Variants in E2F7 observed in about 807,000 individuals in gnomAD.
The protein encoded by E2F7 is transcription factor E2F7.
E2F7 carries 35 observed loss-of-function variants against 81.1 expected under a neutral mutation model. The ratio of observed to expected loss-of-function variants is 0.43; its 90% CI spans 0.33 to 0.57. The LOEUF is 0.57. Ranked by LOEUF, E2F7 falls within the 20% of genes least tolerant of loss-of-function variation. E2F7 has a pLI of 0.04. For synonymous variants in E2F7, 416 were observed against 416.2 expected, an observed-to-expected ratio of 1.00 and a Z score of 0.01; for missense variants, 961 against 1,093.7, an observed-to-expected ratio of 0.88 and a Z score of 1.71.
chr12:77,062,170 G>A (rs1277879312), intron 2 of E2F7, among the ~76,000 whole-genome samples: 2 of 152,082 alleles, frequency 1.3e-5, no homozygotes, highest in African/African-American at 4.8e-5. Context: ...GTGCCTATGG[G>A]TGCTTTACAA....
intron 7 of E2F7, among the ~76,000 whole-genome samples, chr12:77,038,321 C>T (rs1954870027): frequency 6.6e-6 from 1 of 152,104 alleles, no homozygotes. Context: ...AATATATACT[C>T]TGTATATTTG....
Position 77,029,918 on chromosome 12 carries a change from C to T in E2F7, c.1797G>A (p.Glu599=), listed in dbSNP as rs759565657. Residue 599 remains glutamate, a synonymous_variant, in exon 10 of 13, where the codon GAG becomes GAA. Coordinates refer to ENST00000322886, the MANE Select transcript of E2F7 (RefSeq NM_203394.3). ...APSAQKRLCE[E]RKPQEEDEPA... ...GCTCATCCTCCTCCTGAGGTTTCCT[C>T]TCCTCACAGAGGCGCTTCTGAGCTG... 4.0e-5 allele frequency: 65 copies of T among 1,614,122 alleles called. No individual in the cohort carries two copies. Among genetic ancestry groups the T allele is most frequent in the Non-Finnish European group, 5.3e-5 (63 of 1,180,042 alleles).
chr12:77,063,215 C>T (rs1316889824), intron 2 of E2F7, among the ~76,000 whole-genome samples: 1 of 152,078 alleles, frequency 6.6e-6, no homozygotes, highest in East Asian at 1.9e-4. Flanking sequence ...CTCCAAAGCA[C>T]AAGAGTAGTG....
intron 2 of E2F7, among the ~76,000 whole-genome samples, chr12:77,058,740 G>A (rs181319859): frequency 4.6e-4 from 70 of 152,238 alleles, no homozygotes; most frequent in Middle Eastern, 3.4e-3. Flanking sequence ...TATAGTGAGC[G>A]CTCGATAAAA....
At position 77,022,793 on chromosome 12, in the gene E2F7, T is replaced by A. The variant is rs1425105378; in HGVS notation, c.*1222A>T. 1 of 152,080 alleles carries A rather than the reference T, an allele frequency of 6.6e-6. No individual in the cohort carries two copies. Among genetic ancestry groups the A allele is most frequent in the African/African-American group, 2.4e-5 (1 of 41,414 alleles). 9.4% of individuals were successfully genotyped at this position (152,080 alleles called of 1,614,324 possible). On this transcript the variant is annotated 3_prime_UTR_variant, in exon 13 of 13. Coordinates refer to ENST00000322886, the MANE Select transcript of E2F7 (RefSeq NM_203394.3). ...GACTTAATGCACCCCTAAAGTAATG[T>A]GGGTTAAAAAAGGGAAATTGCATAA...
chr12:77,063,483 G>A (rs1166026625), intron 2 of E2F7, among the ~76,000 whole-genome samples: 2 of 152,146 alleles, frequency 1.3e-5, no homozygotes, highest in South Asian at 2.1e-4. Context: ...CTAAATTTGG[G>A]GGTGGAAAAC....
At chr12:77,059,392 G>C (rs1186878377) in intron 2 of E2F7, among the ~76,000 whole-genome samples, 1 of 152,170 alleles carries the variant, frequency 6.6e-6, no homozygotes, top group Non-Finnish European at 1.5e-5. Flanking sequence ...CCAGCTGTTT[G>C]TATCTTTTTG....
Position 77,022,382 on chromosome 12 carries a change from T to G in E2F7, c.*1633A>C, listed in dbSNP as rs1192618660. On this transcript the variant is annotated 3_prime_UTR_variant, in exon 13 of 13. Transcript: ENST00000322886. Reference sequence around the variant, plus strand: ...AAAAGTTTAGTGTTGATAAAAATTTTTATATAAGTAGCAAATTTATTTAAT... The same window carrying G: ...AAAAGTTTAGTGTTGATAAAAATTTGTATATAAGTAGCAAATTTATTTAAT... 6.6e-6 allele frequency: 1 copy of G among 152,476 alleles called. No individual in the cohort carries two copies. Among genetic ancestry groups the G allele is most frequent in the Non-Finnish European group, 1.5e-5 (1 of 67,994 alleles). 9.4% of individuals were successfully genotyped at this position (152,476 alleles called of 1,614,324 possible).
At chr12:77,041,128 C>T (rs1247530975) in intron 7 of E2F7, among the ~76,000 whole-genome samples, 1 of 152,234 alleles carries the variant, frequency 6.6e-6, no homozygotes, top group East Asian at 1.9e-4. Context: ...TCTCCCAGTT[C>T]TGTCCCTCCG....
chr12:77,035,097 A>G (rs557468258), intron 7 of E2F7, among the ~76,000 whole-genome samples: 1 of 152,224 alleles, frequency 6.6e-6, no homozygotes, highest in Admixed American at 6.5e-5. Flanking sequence ...TGAGACAGGA[A>G]TCAAATAGGG....
Position 77,043,107 on chromosome 12 carries a change from G to A in E2F7, c.1081C>T (p.Pro361Ser). 1.2e-6 allele frequency: 2 copies of A among 1,614,142 alleles called. No homozygotes were observed. Among genetic ancestry groups the A allele is most frequent in the Non-Finnish European group, 1.7e-6 (2 of 1,180,016 alleles). Residue 361 changes from proline (P) to serine (S), a missense_variant, in exon 7 of 13, where the codon CCA (proline) becomes TCA (serine). Transcript: ENST00000322886. ...ACAGGCCCGATCCACTTGAAGGCTG[G>A]TTTACGACCTCGCTCTTCTGTTACA... is the stretch of plus-strand genomic sequence containing the variant. ...VHVTEERGRKPAFKWIGPVDF... is the reference protein window; with the variant it reads ...VHVTEERGRKSAFKWIGPVDF...
chr12:77,029,681 G>C, intron 10 of E2F7, 150 bp downstream of exon 10: 1 of 1,271,870 alleles, frequency 7.9e-7, no homozygotes. Flanking sequence ...AAGATTTTTG[G>C]CAGAGCCACT....
intron 3 of E2F7, among the ~76,000 whole-genome samples, chr12:77,051,520 G>C (rs1324981164): frequency 6.6e-6 from 1 of 152,116 alleles, no homozygotes; most frequent in Non-Finnish European, 1.5e-5. Flanking sequence ...ATAGCATTAG[G>C]AGATATACCT....
chr12:77,033,657 G>A (rs1954824050), intron 8 of E2F7, among the ~76,000 whole-genome samples, 200 bp downstream of exon 8: 1 of 152,264 alleles, frequency 6.6e-6, no homozygotes, highest in South Asian at 2.1e-4. Flanking sequence ...AAGGGGTCAT[G>A]TTCATAGACT....
At chr12:77,053,639 A>G (rs1175986107) in intron 3 of E2F7, among the ~76,000 whole-genome samples, 1 of 152,250 alleles carries the variant, frequency 6.6e-6, no homozygotes, top group African/African-American at 2.4e-5. Context: ...ATATCATAGC[A>G]TAGTCTGTAT....
Position 77,043,051 on chromosome 12 carries a change from C to T in E2F7, c.1123+14G>A. 4 of 1,613,946 alleles carry T rather than the reference C, an allele frequency of 2.5e-6. No individual in the cohort carries two copies. Among genetic ancestry groups the T allele is most frequent in the Non-Finnish European group, 3.4e-6 (4 of 1,179,862 alleles). ...TAAATAAAACAGCCTGCTAGCAAAA[C>T]CACGCCACCTTACCACTTGAGCTGA... is the stretch of plus-strand genomic sequence containing the variant. On this transcript the variant is annotated intron_variant, in intron 7 of 12. Transcript: ENST00000322886.
At chr12:77,036,828 G>A (rs950176759) in intron 7 of E2F7, among the ~76,000 whole-genome samples, 9 of 151,572 alleles carry the variant, frequency 5.9e-5, no homozygotes, top group Non-Finnish European at 7.4e-5. Flanking sequence ...TGCAAGCTGC[G>A]CCTCCCGGGT....
At chr12:77,033,562 G>A (rs1408745029) in intron 8 of E2F7, among the ~76,000 whole-genome samples, 1 of 152,210 alleles carries the variant, frequency 6.6e-6, no homozygotes, top group Non-Finnish European at 1.5e-5. Flanking sequence ...ATTGCTTTAA[G>A]TCTAATGAAT....
chr12:77,059,137 T>C (rs1477111242), intron 2 of E2F7, among the ~76,000 whole-genome samples: 1 of 152,192 alleles, frequency 6.6e-6, no homozygotes, highest in Non-Finnish European at 1.5e-5. Context: ...TATATTTTGA[T>C]ATATTTTCAC....
Sources: gnomAD v4.1 joint callset for allele counts (sites outside exome capture counted in the v4.1 genomes callset) on GRCh38, gnomAD v4.1.1 for gene constraint, MANE v1.5 for transcripts, NCBI Gene and HGNC (gene_info 2026-07-23, HGNC 2026-07-21) for gene names.